LINGO2: variants seen among roughly 807,000 people sequenced by gnomAD.
The protein encoded by LINGO2 is leucine-rich repeat and immunoglobulin-like domain-containing nogo receptor-interacting protein 2.
Under a neutral mutation model 30.6 loss-of-function variants are expected in LINGO2, and 14 were observed. The observed-to-expected ratio is 0.46, with a 90% CI of 0.30 to 0.72. The LOEUF is 0.72. LINGO2 is among the 30% of genes least tolerant of loss of function. LINGO2 has a pLI of 0.07. For missense variants in LINGO2, 729 were observed against 751.7 expected (o/e 0.97, Z 0.35); for synonymous variants, 317 against 288.5 (o/e 1.10, Z -1.00).
intron 1 of LINGO2, among the ~76,000 whole-genome samples, chr9:28,656,274 A>G (rs1828333244): frequency 6.6e-6 from 1 of 152,148 alleles, no homozygotes; most frequent in Non-Finnish European, 1.5e-5. Context: ...GCATATTTAC[A>G]TAGTCTCAAA....
At chr9:28,374,528 T>A (rs1235188285) in intron 2 of LINGO2, among the ~76,000 whole-genome samples, 4 of 152,022 alleles carry the variant, frequency 2.6e-5, no homozygotes, top group African/African-American at 9.7e-5. Flanking sequence ...GGTCCCTAGA[T>A]AAAATGGGAA....
chr9:28,419,543 A>G (rs941964627), intron 2 of LINGO2, among the ~76,000 whole-genome samples: 1 of 152,038 alleles, frequency 6.6e-6, no homozygotes, highest in South Asian at 2.1e-4. Context: ...CGGAAGAAGA[A>G]CAAGCCTGGC....
chr9:28,102,971 G>T (rs1417997119), intron 4 of LINGO2, among the ~76,000 whole-genome samples: 1 of 152,062 alleles, frequency 6.6e-6, no homozygotes, highest in Admixed American at 6.6e-5. Context: ...AGCCAGGCTG[G>T]TATGTTAACT....
At chr9:28,659,416 T>C (rs939444259) in intron 1 of LINGO2, among the ~76,000 whole-genome samples, 9 of 152,126 alleles carry the variant, frequency 5.9e-5, no homozygotes, top group African/African-American at 2.2e-4. Context: ...AAGACAGCAA[T>C]AGCTTGACAG....
chr9:28,283,955 G>T (rs1823416093), intron 4 of LINGO2, among the ~76,000 whole-genome samples: 1 of 152,064 alleles, frequency 6.6e-6, no homozygotes, highest in African/African-American at 2.4e-5. Flanking sequence ...TTTATCCTTA[G>T]AATGAGTATA....
At chr9:28,814,524 T>C in the LINGO2 span, among the ~76,000 whole-genome samples, 20 of 152,276 alleles carry the variant, frequency 1.3e-4, no homozygotes, top group East Asian at 3.7e-3. Flanking sequence ...TCATAGCCCT[T>C]GGCAAGTTTC....
the LINGO2 span, among the ~76,000 whole-genome samples, chr9:28,692,768 G>A: frequency 6.6e-6 from 1 of 152,042 alleles, no homozygotes; most frequent in African/African-American, 2.4e-5. Context: ...AATAACGAAG[G>A]TATTGGAGTT....
the LINGO2 span, among the ~76,000 whole-genome samples, chr9:28,967,593 C>T: frequency 3.7e-3 from 559 of 152,186 alleles, 2 homozygotes; most frequent in African/African-American, 0.013. Context: ...TGACTTTTTG[C>T]CACCTACATC....
intron 1 of LINGO2, among the ~76,000 whole-genome samples, chr9:28,626,167 G>A (rs956655371): frequency 2.0e-4 from 30 of 152,044 alleles, no homozygotes; most frequent in African/African-American, 7.0e-4. Context: ...CTGCCCTGAT[G>A]ACTAATATGT....
At chr9:28,303,114 A>G (rs1824210812) in intron 3 of LINGO2, among the ~76,000 whole-genome samples, 1 of 152,168 alleles carries the variant, frequency 6.6e-6, no homozygotes, top group African/African-American at 2.4e-5. Context: ...CTTCCCCTAA[A>G]CACTATATTC....
the LINGO2 span, among the ~76,000 whole-genome samples, chr9:28,697,090 T>C: frequency 6.6e-6 from 1 of 152,022 alleles, no homozygotes; most frequent in Non-Finnish European, 1.5e-5. Flanking sequence ...GAAAATTTTA[T>C]GAACAGTATG....
At chr9:28,603,846 C>T (rs1273937273) in intron 1 of LINGO2, among the ~76,000 whole-genome samples, 1 of 152,006 alleles carries the variant, frequency 6.6e-6, no homozygotes, top group African/African-American at 2.4e-5. Flanking sequence ...AGCAAAGCTG[C>T]AGAATTCTGC....
At chr9:28,968,266 G>C in the LINGO2 span, among the ~76,000 whole-genome samples, 1 of 152,004 alleles carries the variant, frequency 6.6e-6, no homozygotes, top group Admixed American at 6.6e-5. Context: ...TTGATTATTA[G>C]GACATTTCCC....
chr9:29,099,928 C>A, the LINGO2 span, among the ~76,000 whole-genome samples: 10 of 152,174 alleles, frequency 6.6e-5, no homozygotes, highest in Non-Finnish European at 1.3e-4. Flanking sequence ...GAAATCTGCA[C>A]TCCCATATTC....
chr9:29,096,346 C>G, the LINGO2 span, among the ~76,000 whole-genome samples: 13 of 139,358 alleles, frequency 9.3e-5, 3 homozygotes, highest in Admixed American at 8.0e-4. Flanking sequence ...ACTGCAGTGG[C>G]GAAATTTTCA....
At chr9:28,700,691 T>C in the LINGO2 span, among the ~76,000 whole-genome samples, 1 of 152,102 alleles carries the variant, frequency 6.6e-6, no homozygotes, top group African/African-American at 2.4e-5. Flanking sequence ...CTGGATTGTA[T>C]GGTAAGATAT....
intron 2 of LINGO2, among the ~76,000 whole-genome samples, chr9:28,456,429 A>G (rs1267432443): frequency 6.6e-6 from 1 of 152,206 alleles, no homozygotes; most frequent in Non-Finnish European, 1.5e-5. Flanking sequence ...TGAATTTCTT[A>G]CAAATAATAA....
chr9:28,070,772 C>T (rs1825451318), intron 4 of LINGO2, among the ~76,000 whole-genome samples: 1 of 152,100 alleles, frequency 6.6e-6, no homozygotes, highest in African/African-American at 2.4e-5. Context: ...AGTGCAGTGG[C>T]ATGATCACAG....
At chr9:29,056,420 T>C in the LINGO2 span, among the ~76,000 whole-genome samples, 1 of 152,176 alleles carries the variant, frequency 6.6e-6, no homozygotes, top group Non-Finnish European at 1.5e-5. Context: ...ATTAATGTCC[T>C]TAACCCACTT....
Sources: allele counts gnomAD v4.1 joint callset (sites outside exome capture counted in the v4.1 genomes callset), GRCh38; gene constraint gnomAD v4.1.1; transcripts MANE v1.5; gene names NCBI Gene and HGNC (gene_info 2026-07-23, HGNC 2026-07-21).